The following MTUS2 variants were observed in gnomAD, a reference collection of about 807,000 sequenced individuals.
MTUS2 encodes microtubule associated scaffold protein 2.
In MTUS2, 40 loss-of-function variants were observed where a neutral mutation model predicts 114.1. The observed-to-expected ratio is 0.35, with a 90% CI of 0.27 to 0.46. The LOEUF is 0.46. Among genes scored for constraint, MTUS2 ranks in the 20% least tolerant of loss-of-function variants. The pLI, the probability that MTUS2 is intolerant of heterozygous loss-of-function variation, is 1.00. For synonymous variants in MTUS2, 688 were observed against 672.0 expected (o/e 1.02, Z -0.37); for missense variants, 1,679 against 1,705.4 (o/e 0.98, Z 0.27).
chr13:28,900,290 C>T (rs1260831706), intron 2 of MTUS2, among the ~76,000 whole-genome samples: 2 of 152,140 alleles, frequency 1.3e-5, no homozygotes, highest in Non-Finnish European at 2.9e-5. Flanking sequence ...CCAGTTTTAC[C>T]TGTAGCTGTG....
intron 2 of MTUS2, among the ~76,000 whole-genome samples, chr13:29,017,692 C>T (rs570468910): frequency 2.9e-5 from 4 of 139,576 alleles, no homozygotes; most frequent in African/African-American, 1.1e-4. Context: ...CAATTTTCAT[C>T]TTGAAAGATT....
chr13:29,223,314 T>G (rs1895981039), intron 5 of MTUS2, among the ~76,000 whole-genome samples: 1 of 152,136 alleles, frequency 6.6e-6, no homozygotes, highest in African/African-American at 2.4e-5. Context: ...GGTGACAGGA[T>G]GACCTGCCTG....
intron 8 of MTUS2, among the ~76,000 whole-genome samples, chr13:29,418,055 T>G (rs1020177559): frequency 2.0e-5 from 3 of 152,168 alleles, no homozygotes; most frequent in African/African-American, 7.2e-5. Context: ...TGACCTGAGC[T>G]AAAACTCTGT....
At chr13:28,871,363 G>A (rs1376029281) in intron 2 of MTUS2, among the ~76,000 whole-genome samples, 2 of 152,216 alleles carry the variant, frequency 1.3e-5, no homozygotes, top group East Asian at 1.9e-4. Flanking sequence ...TTCATGTCAG[G>A]TGTGGGCATC....
In MTUS2 at chr13:29,069,376, C is replaced by T. The variant is rs137892408; in HGVS notation, c.2447-31397C>T. 6.0e-3 allele frequency among the ~76,000 whole-genome samples: 911 copies of T among 152,234 alleles called. 14 individuals are homozygous for T. Among genetic ancestry groups the T allele is most frequent in the Non-Finnish European group, 6.1e-3 (416 of 68,010 alleles). The stretch of plus-strand genomic sequence containing the variant: ...AAAAGATTGATGTCCTAGTTCAATC[C>T]GTCAGGTTGGGCAGAGTGTGAATGT... On this transcript the variant is annotated intron_variant, in intron 4 of 15. Transcript: ENST00000612955.
intron 9 of MTUS2, among the ~76,000 whole-genome samples, chr13:29,474,538 G>T (rs577097321): frequency 6.6e-6 from 1 of 152,308 alleles, no homozygotes; most frequent in South Asian, 2.1e-4. Flanking sequence ...AGAAAGAGTA[G>T]AAATATAGAT....
intron 5 of MTUS2, among the ~76,000 whole-genome samples, chr13:29,267,194 A>G (rs1429401859): frequency 1.3e-5 from 2 of 152,310 alleles, no homozygotes; most frequent in East Asian, 3.9e-4. Context: ...AAGGGAAGAT[A>G]TGTTCAAGAA....
At chr13:29,463,072 G>C (rs1276686235) in intron 9 of MTUS2, among the ~76,000 whole-genome samples, 1 of 152,178 alleles carries the variant, frequency 6.6e-6, no homozygotes, top group African/African-American at 2.4e-5. Context: ...GAAGGTGTGA[G>C]GATGGAAGCA....
At chr13:29,495,742 A>G (rs1219993701) in intron 12 of MTUS2, among the ~76,000 whole-genome samples, 1 of 151,728 alleles carries the variant, frequency 6.6e-6, no homozygotes, top group Admixed American at 6.6e-5. Flanking sequence ...GTGGTGGTGC[A>G]CGCCTGTAGT....
Position 29,487,651 on chromosome 13 carries a change from A to C in MTUS2, c.3400-249A>C, listed in dbSNP as rs1881723250. ...GTCCAGGAGCCACACTCAGGACTCTAAAGAGGTACCTCAGGCAGTGATCCC... is the reference window on the plus strand; with the variant it reads ...GTCCAGGAGCCACACTCAGGACTCTCAAGAGGTACCTCAGGCAGTGATCCC... On this transcript the variant is annotated intron_variant, in intron 10 of 15. Transcript: ENST00000612955. 7.6e-6 allele frequency: 4 copies of C among 525,384 alleles called. No homozygotes were observed. The South Asian group carries it at 8.3e-5, about 11-fold the overall frequency. The allele number at this position is 525,384 out of a possible 1,614,324, so 32.5% of individuals were successfully genotyped here. A position where few individuals can be genotyped will look rare whatever the true frequency, so the allele number is the denominator to read the frequency against.
intron 9 of MTUS2, among the ~76,000 whole-genome samples, chr13:29,472,901 T>G (rs116907041): frequency 2.2e-3 from 333 of 152,378 alleles, no homozygotes; most frequent in Non-Finnish European, 3.6e-3. Context: ...TTACACAATT[T>G]AAATTTTCAT....
chr13:29,425,141 C>A (rs537786443), intron 8 of MTUS2, among the ~76,000 whole-genome samples: 14 of 152,280 alleles, frequency 9.2e-5, no homozygotes, highest in Non-Finnish European at 1.9e-4. Context: ...AGACCAGGTG[C>A]AGTGGCTCAC....
At chr13:29,129,479 CATT>C (rs934788779) in intron 5 of MTUS2, among the ~76,000 whole-genome samples, 1 of 152,148 alleles carries the variant, frequency 6.6e-6, no homozygotes, top group East Asian at 1.9e-4. Flanking sequence ...TTCTTCATAT[CATT>C]GTTGTTTAAA....
At chr13:28,844,033 A>G (rs759398541) in intron 2 of MTUS2, among the ~76,000 whole-genome samples, 1 of 152,270 alleles carries the variant, frequency 6.6e-6, no homozygotes, top group African/African-American at 2.4e-5. Flanking sequence ...CACAGGAATT[A>G]CAGAATAATT....
intron 2 of MTUS2, among the ~76,000 whole-genome samples, chr13:28,986,109 G>A (rs1374393524): frequency 1.3e-5 from 2 of 152,008 alleles, no homozygotes; most frequent in Non-Finnish European, 2.9e-5. Context: ...TTAAGAGTGT[G>A]AGAAGTTATT....
At chr13:28,985,458 T>G (rs1391630509) in intron 2 of MTUS2, among the ~76,000 whole-genome samples, 1 of 152,198 alleles carries the variant, frequency 6.6e-6, no homozygotes, top group Non-Finnish European at 1.5e-5. Context: ...ACTGGGGATG[T>G]TAATAAGTAG....
At chr13:29,168,120 A>T (rs993986505) in intron 5 of MTUS2, among the ~76,000 whole-genome samples, 63 of 152,314 alleles carry the variant, frequency 4.1e-4, no homozygotes, top group African/African-American at 1.4e-3. Flanking sequence ...AATCTCAGAA[A>T]ATATAGAGGA....
intron 5 of MTUS2, among the ~76,000 whole-genome samples, chr13:29,141,984 C>G (rs912496429): frequency 6.6e-6 from 1 of 151,478 alleles, no homozygotes; most frequent in Admixed American, 6.6e-5. Flanking sequence ...CTCAGCCTCC[C>G]GAGTAGCTGG....
At chr13:28,948,475 A>G (rs1882645014) in intron 2 of MTUS2, among the ~76,000 whole-genome samples, 1 of 152,166 alleles carries the variant, frequency 6.6e-6, no homozygotes, top group African/African-American at 2.4e-5. Flanking sequence ...CTCTGCATTT[A>G]GAAATATGCA....
Sources: allele counts gnomAD v4.1 joint callset (sites outside exome capture counted in the v4.1 genomes callset), GRCh38; gene constraint gnomAD v4.1.1; transcripts MANE v1.5; gene names NCBI Gene and HGNC (gene_info 2026-07-23, HGNC 2026-07-21).